The following ISG20 variants were observed in gnomAD, a reference collection of about 807,000 sequenced individuals.
The protein encoded by ISG20 is interferon-stimulated gene 20 kDa protein.
Under a neutral mutation model 11.1 loss-of-function variants are expected in ISG20, and 8 were observed. The ratio of observed to expected loss-of-function variants is 0.72; its 90% CI spans 0.42 to 1.30. ISG20 has a LOEUF of 1.30. ISG20 is among the 50% of genes most tolerant of loss of function. The probability of loss-of-function intolerance (pLI) is 0.01; values close to 1 mark genes in which losing one functional copy is unlikely to be tolerated. For missense variants in ISG20, 243 were observed against 250.2 expected (o/e 0.97, Z 0.19); for synonymous variants, 110 against 101.7 (o/e 1.08, Z -0.49).
Position 88,650,180 on chromosome 15 carries a change from A to G in ISG20, c.229-1930A>G. 1 of 1,445,248 alleles carries G rather than the reference A, an allele frequency of 6.9e-7. No individual in the cohort carries two copies. Among genetic ancestry groups the G allele is most frequent in the Non-Finnish European group, 9.4e-7 (1 of 1,064,594 alleles). The allele number at this position is 1,445,248 out of a possible 1,614,324, so 89.5% of individuals were successfully genotyped here. ...CTAGAGCTGTCCAAAGTGGGCCTGG[A>G]CTAGCCACGAGCCGCCCCTTTCCCT... On this transcript the variant is annotated intron_variant, in intron 2 of 3. Coordinates refer to ENST00000306072, the MANE Select transcript of ISG20 (RefSeq NM_002201.6). This position sits in a 1 kb window ranked among gnomAD's most constrained non-coding sequence, Gnocchi z 4.0.
In ISG20 at chr15:88,650,598, C is replaced by T; in HGVS notation, c.229-1512C>T. On this transcript the variant is annotated intron_variant, in intron 2 of 3. Coordinates refer to ENST00000306072, the MANE Select transcript of ISG20 (RefSeq NM_002201.6). This position sits in a 1 kb window ranked among gnomAD's most constrained non-coding sequence, Gnocchi z 4.0. ...ACCTGCAGTTTGGGCAGGTGCTCTG[C>T]AGCAGGACAGGCCGTCAGTTAAGGC... is the stretch of plus-strand genomic sequence containing the variant. 1 of 573,770 alleles carries T rather than the reference C, an allele frequency of 1.7e-6. No homozygotes were observed. The highest frequency in any genetic ancestry group is 2.7e-6 in the Non-Finnish European group (1 of 370,790). 35.5% of individuals were successfully genotyped at this position (573,770 alleles called of 1,614,324 possible).
chr15:88,645,981 CAA>C (rs1181983638), intron 2 of ISG20, among the ~76,000 whole-genome samples: 2 of 152,200 alleles, frequency 1.3e-5, no homozygotes, highest in African/African-American at 4.8e-5. Context: ...TTCATAAATA[CAA>C]AAGAGTTCTG....
chr15:88,641,141 C>T (rs540020176), intron 2 of ISG20, among the ~76,000 whole-genome samples: 2 of 151,954 alleles, frequency 1.3e-5, no homozygotes, highest in East Asian at 2.0e-4. Flanking sequence ...TACAGGCACC[C>T]GCCACCATGC....
chr15:88,640,865 G>A (rs1394384309), intron 2 of ISG20, among the ~76,000 whole-genome samples: 8 of 151,674 alleles, frequency 5.3e-5, no homozygotes, highest in Non-Finnish European at 1.0e-4. Flanking sequence ...TACTCCAGCA[G>A]CTGGGATCAC....
upstream of ISG20, among the ~76,000 whole-genome samples, chr15:88,638,549 A>C (rs2058021975): frequency 6.6e-6 from 1 of 152,132 alleles, no homozygotes; most frequent in African/African-American, 2.4e-5. Context: ...AGCCACTCCC[A>C]CCACAAGTTT....
At chr15:88,637,806 G>A (rs528614488), upstream of ISG20, among the ~76,000 whole-genome samples, 1 of 152,244 alleles carries the variant, frequency 6.6e-6, no homozygotes, top group South Asian at 2.1e-4. Context: ...TTAAGTGCAT[G>A]TTTCCATAAA....
In ISG20 at chr15:88,640,205, G is replaced by A. The variant is rs117365289; in HGVS notation, c.228+611G>A. 1.2e-4 allele frequency among the ~76,000 whole-genome samples: 18 copies of A among 152,300 alleles called. No individual in the cohort carries two copies. In the East Asian group the frequency reaches 2.3e-3, roughly 20 times the overall value. On this transcript the variant is annotated intron_variant, in intron 2 of 3. Coordinates refer to ENST00000306072, the MANE Select transcript of ISG20 (RefSeq NM_002201.6). ...AAGCAAAACTTAAAGGTGTCAACAC[G>A]GTTAGCCACCCCTGGGAAATCTCAG...
At chr15:88,645,849 CA>C (rs1401729892) in intron 2 of ISG20, among the ~76,000 whole-genome samples, 5 of 152,220 alleles carry the variant, frequency 3.3e-5, no homozygotes, top group Admixed American at 1.3e-4. Flanking sequence ...CTCGTCCATT[CA>C]TTCACACCAT....
Position 88,639,274 on chromosome 15 carries a change from G to T in ISG20, c.-24-69G>T. ...AGGGCGGAGGGTAAGGCCAGCTGGG[G>T]TTGGCTGAGGACACCTGGAGGCTTG... On this transcript the variant is annotated intron_variant, in intron 1 of 3. Coordinates refer to ENST00000306072, the MANE Select transcript of ISG20 (RefSeq NM_002201.6). This position sits in a 1 kb window ranked among gnomAD's most constrained non-coding sequence, Gnocchi z 4.2. 1.0e-6 allele frequency: 1 copy of T among 954,772 alleles called. No homozygotes were observed. 59.1% of individuals were successfully genotyped at this position (954,772 alleles called of 1,614,324 possible). A position where few individuals can be genotyped will look rare whatever the true frequency, so the allele number is the denominator to read the frequency against.
upstream of ISG20, chr15:88,638,960 G>A (rs2058030227): frequency 4.2e-6 from 1 of 240,014 alleles, no homozygotes; most frequent in African/African-American, 2.2e-5. Flanking sequence ...ACTGAAACAG[G>A]GTCGGGATGC....
Position 88,650,328 on chromosome 15 carries a change from AGGCGAGGAACGCGG to A in ISG20, c.229-1778_229-1765del. On this transcript the variant is annotated intron_variant, in intron 2 of 3. Coordinates refer to ENST00000306072, the MANE Select transcript of ISG20 (RefSeq NM_002201.6). The surrounding 1 kb of genome is among the most constrained non-coding windows in gnomAD (Gnocchi z 4.0). ...GGGCAGGCTGTCCATGTGGGAGGCG[AGGCGAGGAACGCGG>A]GGCTGGGGCAGTCACAGCTGGGCGC... 2 of 1,535,502 alleles carry A rather than the reference AGGCGAGGAACGCGG, an allele frequency of 1.3e-6. No individual in the cohort carries two copies. Among genetic ancestry groups the A allele is most frequent in the Non-Finnish European group, 1.7e-6 (2 of 1,146,810 alleles).
rs1246955075 is a variant in ISG20 at position 88,643,619 on chromosome 15, G to A, written c.228+4025G>A. The stretch of plus-strand genomic sequence containing the variant: ...CTCAGGAGGCTGACGCAGGAGAATC[G>A]CTTAAACCCAGGAGGCGGAAGTTGC... On this transcript the variant is annotated intron_variant, in intron 2 of 3. Coordinates refer to ENST00000306072, the MANE Select transcript of ISG20 (RefSeq NM_002201.6). This position sits in a 1 kb window ranked among gnomAD's most constrained non-coding sequence, Gnocchi z 4.4. Among the ~76,000 whole-genome samples, 3 of 152,102 alleles carry A rather than the reference G, an allele frequency of 2.0e-5. No homozygotes were observed. The highest frequency in any genetic ancestry group is 4.4e-5 in the Non-Finnish European group (3 of 68,018).
upstream of ISG20, chr15:88,638,615 A>G (rs374268591): frequency 2.0e-5 from 3 of 152,458 alleles, no homozygotes; most frequent in East Asian, 3.8e-4. Flanking sequence ...TCCCTACCCC[A>G]TAAGAGACCA....
At chr15:88,646,562 C>A (rs2058176968) in intron 2 of ISG20, among the ~76,000 whole-genome samples, 1 of 152,170 alleles carries the variant, frequency 6.6e-6, no homozygotes, top group Non-Finnish European at 1.5e-5. Flanking sequence ...CACTGAGTGT[C>A]AATTTGTTGG....
chr15:88,639,620 G>T lies in ISG20; in HGVS notation c.228+26G>T, dbSNP rs1364932913. On this transcript the variant is annotated intron_variant, in intron 2 of 3. Transcript: ENST00000306072. The surrounding 1 kb of genome is among the most constrained non-coding windows in gnomAD (Gnocchi z 4.2). ...GTGAGTGAAGGCCCGGCCAGCAGGG[G>T]CTTTGGAAATAACCCCTCTCCCACT... 4 of 1,585,500 alleles carry T rather than the reference G, an allele frequency of 2.5e-6. No homozygotes were observed. The highest frequency in any genetic ancestry group is 2.7e-5 in the African/African-American group (2 of 74,506).
chr15:88,655,310 C>A (rs1300144024), intron 3 of ISG20, 105 bp from the exon 4 acceptor site: 1 of 1,000,794 alleles, frequency 1.0e-6, no homozygotes, highest in African/African-American at 1.6e-5. Context: ...ACCCACTGAC[C>A]CACCTGGGGA....
intron 2 of ISG20, among the ~76,000 whole-genome samples, chr15:88,646,408 T>C (rs915011753): frequency 6.6e-6 from 1 of 152,186 alleles, no homozygotes; most frequent in Non-Finnish European, 1.5e-5. Flanking sequence ...GCTGGAGCTG[T>C]GGTGTTCAGA....
chr15:88,646,079 G>C (rs2141396328), intron 2 of ISG20, among the ~76,000 whole-genome samples: 1 of 152,352 alleles, frequency 6.6e-6, no homozygotes, highest in East Asian at 1.9e-4. Flanking sequence ...TGGGCAGGGA[G>C]CAAGCACACT....
chr15:88,640,055 A>C (rs1007888320), intron 2 of ISG20, among the ~76,000 whole-genome samples: 3 of 152,200 alleles, frequency 2.0e-5, no homozygotes, highest in Non-Finnish European at 4.4e-5. Context: ...TCTGACCCAG[A>C]GTAGGCTGTC....
Sources: gnomAD v4.1 joint callset for allele counts (sites outside exome capture counted in the v4.1 genomes callset) on GRCh38, gnomAD v4.1.1 for gene constraint, Gnocchi (gnomAD v3.1) non-coding constraint, MANE v1.5 for transcripts, NCBI Gene and HGNC (gene_info 2026-07-23, HGNC 2026-07-21) for gene names.